Variants in WWP1 observed in about 807,000 individuals in gnomAD.
WWP1 encodes the protein WW domain containing E3 ubiquitin protein ligase 1.
Under a neutral mutation model 130.6 loss-of-function variants are expected in WWP1, and 49 were observed. The observed-to-expected ratio is 0.38, with a 90% CI of 0.30 to 0.48. The LOEUF is 0.48. Among genes scored for constraint, WWP1 ranks in the 20% least tolerant of loss-of-function variants. The probability of loss-of-function intolerance (pLI) is 0.99; values close to 1 mark genes in which losing one functional copy is unlikely to be tolerated. For synonymous variants in WWP1, 332 were observed against 367.8 expected (o/e 0.90, Z 1.11); for missense variants, 809 against 1,100.6 (o/e 0.74, Z 3.75).
At chr8:86,408,942 T>C (rs1335718827) in intron 8 of WWP1, among the ~76,000 whole-genome samples, 1 of 151,946 alleles carries the variant, frequency 6.6e-6, no homozygotes, top group African/African-American at 2.4e-5. Context: ...TTCGGATAGG[T>C]CTTGAAGTAA....
At chr8:86,360,155 A>T (rs1414413985) in intron 1 of WWP1, among the ~76,000 whole-genome samples, 1 of 152,104 alleles carries the variant, frequency 6.6e-6, no homozygotes, top group Admixed American at 6.5e-5. Context: ...AAAAAAAACA[A>T]AAAACCAAAC....
At position 86,402,095 on chromosome 8, in the gene WWP1, T is replaced by C. The variant is rs189923427; in HGVS notation, c.616T>C (p.Tyr206His). 32 of 1,614,124 alleles carry C rather than the reference T, an allele frequency of 2.0e-5. No homozygotes were observed. The Admixed American group carries it at 3.3e-4, about 17-fold the overall frequency. ...TCTAGTCCAAAACTCATGCTGCTCG[T>C]ATGTAGTTAATGGAGACAACACACC... ...STLVQNSCCS[Y>H]VVNGDNTPSS... The change falls in exon 8 of 25, where the codon TAT (tyrosine) becomes CAT (histidine). Residue 206 changes from tyrosine to histidine, a missense_variant. Transcript: ENST00000517970.
intron 9 of WWP1, among the ~76,000 whole-genome samples, chr8:86,424,532 C>T (rs1407566712): frequency 4.6e-5 from 7 of 151,520 alleles, no homozygotes; most frequent in Non-Finnish European, 1.0e-4. Context: ...ACTGAGTGAA[C>T]GAGACTCCGT....
rs538968619 is a variant in WWP1, at chr8:86,467,524, A to C, written c.*631A>C. ...GTAATATTGTTAAAGTAATGGATAG[A>C]ACCATAACTTACACATGAAAGTCAT... On this transcript the variant is annotated 3_prime_UTR_variant, in exon 25 of 25. Coordinates refer to ENST00000517970, the MANE Select transcript of WWP1 (RefSeq NM_007013.4). The C allele has an allele frequency of 6.5e-6, 1 of 152,704 alleles. No homozygotes were observed. The highest frequency in any genetic ancestry group is 2.4e-5 in the African/African-American group (1 of 41,568). 9.5% of individuals were successfully genotyped at this position (152,704 alleles called of 1,614,324 possible). A position where few individuals can be genotyped will look rare whatever the true frequency, so the allele number is the denominator to read the frequency against.
At chr8:86,374,420 A>G (rs1240313228) in intron 3 of WWP1, among the ~76,000 whole-genome samples, 1 of 152,122 alleles carries the variant, frequency 6.6e-6, no homozygotes, top group Non-Finnish European at 1.5e-5. Context: ...GCAGGATGCC[A>G]AAGGCCTTCT....
In WWP1 at chr8:86,422,011, C is replaced by G. The variant is rs138929934; in HGVS notation, c.1062-3212C>G. Among the ~76,000 whole-genome samples the G allele has an allele frequency of 3.0e-3, 452 of 152,156 alleles. 2 individuals are homozygous for G. The highest frequency in any genetic ancestry group is 0.01 in the African/African-American group (430 of 41,502). ...GACAACTTATCAAAACTCACCATTC[C>G]AAGTTAGGGCTTCTTGATAAGCACT... On this transcript the variant is annotated intron_variant, in intron 9 of 24. Transcript: ENST00000517970.
chr8:86,354,695 C>A (rs546374436), intron 1 of WWP1, among the ~76,000 whole-genome samples: 1 of 152,038 alleles, frequency 6.6e-6, no homozygotes, highest in African/African-American at 2.4e-5. Flanking sequence ...CTTTCAAGTT[C>A]TTAAATGTAA....
At chr8:86,410,371 C>T (rs945482655) in intron 8 of WWP1, among the ~76,000 whole-genome samples, 2 of 151,962 alleles carry the variant, frequency 1.3e-5, no homozygotes, top group African/African-American at 4.8e-5. Context: ...TTTTTTCTTT[C>T]CCTTGAGTTA....
At chr8:86,367,745 T>C (rs1017836217) in intron 1 of WWP1, among the ~76,000 whole-genome samples, 1 of 152,182 alleles carries the variant, frequency 6.6e-6, no homozygotes. Context: ...TCATATAGTT[T>C]TTCTGTCTTC....
At chr8:86,346,665 A>G (rs1822602290) in intron 1 of WWP1, among the ~76,000 whole-genome samples, 1 of 152,290 alleles carries the variant, frequency 6.6e-6, no homozygotes, top group Middle Eastern at 3.4e-3. Context: ...GCATGTTATT[A>G]CATGTTAATA....
intron 23 of WWP1, 41 bp downstream of exon 23, chr8:86,461,361 G>A (rs746425861): frequency 1.3e-6 from 2 of 1,547,682 alleles, no homozygotes; most frequent in Non-Finnish European, 1.8e-6. Context: ...ACGTAATTTT[G>A]TGATAATAAT....
At chr8:86,410,262 T>G (rs1010807561) in intron 8 of WWP1, among the ~76,000 whole-genome samples, 5 of 152,158 alleles carry the variant, frequency 3.3e-5, no homozygotes, top group Admixed American at 1.3e-4. Flanking sequence ...CAATAAAGGC[T>G]TCATAGAATT....
intron 2 of WWP1, among the ~76,000 whole-genome samples, chr8:86,372,184 C>T (rs893900225): frequency 3.4e-4 from 51 of 151,532 alleles, no homozygotes; most frequent in Middle Eastern, 3.4e-3. Context: ...CCACCATGCC[C>T]GGCTAATTTT....
intron 12 of WWP1, 76 bp downstream of exon 12, chr8:86,430,827 A>T: frequency 4.1e-6 from 2 of 484,094 alleles, no homozygotes; most frequent in Non-Finnish European, 5.7e-6. Context: ...ATATATATAT[A>T]TATATGTTCC....
At chr8:86,391,151 G>A (rs944533699) in intron 5 of WWP1, among the ~76,000 whole-genome samples, 1 of 152,088 alleles carries the variant, frequency 6.6e-6, no homozygotes, top group Non-Finnish European at 1.5e-5. Context: ...CCAACTAACT[G>A]CGTCTTGTTA....
chr8:86,438,568 T>A lies in WWP1; in HGVS notation c.1750-17T>A, dbSNP rs1810422554. On this transcript the variant is annotated splice_polypyrimidine_tract_variant and intron_variant, in intron 16 of 24. Transcript: ENST00000517970. Reference sequence around the variant, plus strand: ...TGCATGTGAGTATTTAATATTCATGTTTTTGTTTTTAATTAGATTATGGCA... The same window carrying A: ...TGCATGTGAGTATTTAATATTCATGATTTTGTTTTTAATTAGATTATGGCA... 1 of 1,569,414 alleles carries A rather than the reference T, an allele frequency of 6.4e-7. No individual in the cohort carries two copies.
rs1812251353 is a variant in WWP1 at position 86,467,683 on chromosome 8, T to C, written c.*790T>C. 6.6e-6 allele frequency: 1 copy of C among 152,174 alleles called. No individual in the cohort carries two copies. The highest frequency in any genetic ancestry group is 6.5e-5 in the Admixed American group (1 of 15,276). 9.4% of individuals were successfully genotyped at this position (152,174 alleles called of 1,614,324 possible). On this transcript the variant is annotated 3_prime_UTR_variant, in exon 25 of 25. Coordinates refer to ENST00000517970, the MANE Select transcript of WWP1 (RefSeq NM_007013.4). ...AAAAAGAATCAGGCTCTTTTGTACT[T>C]TGTTTTTAAATCTGTGATGCTTTTC...
At chr8:86,429,280 T>C (rs1212559548) in intron 11 of WWP1, among the ~76,000 whole-genome samples, 1 of 152,178 alleles carries the variant, frequency 6.6e-6, no homozygotes. Flanking sequence ...TTGGCCAGAA[T>C]TGGTCACTCT....
chr8:86,419,556 G>C (rs1809079437), intron 9 of WWP1, among the ~76,000 whole-genome samples: 1 of 152,192 alleles, frequency 6.6e-6, no homozygotes, highest in South Asian at 2.1e-4. Context: ...AATTCAGTGT[G>C]AAATTTGACT....
Sources: allele counts gnomAD v4.1 joint callset (sites outside exome capture counted in the v4.1 genomes callset), GRCh38; gene constraint gnomAD v4.1.1; transcripts MANE v1.5; gene names NCBI Gene and HGNC (gene_info 2026-07-23, HGNC 2026-07-21).